Variants in PLXNA4 observed in about 807,000 individuals in gnomAD.
The protein encoded by PLXNA4 is plexin-A4.
In PLXNA4, 44 loss-of-function variants were observed where a neutral mutation model predicts 191.8. The ratio of observed to expected loss-of-function variants is 0.23; its 90% CI spans 0.18 to 0.29. The LOEUF (loss-of-function observed/expected upper bound fraction) is 0.29, where lower values mean the gene tolerates loss of function less well. Ranked by LOEUF, PLXNA4 falls within the 10% of genes least tolerant of loss-of-function variation. The probability of loss-of-function intolerance (pLI) is 1.00; values close to 1 mark genes in which losing one functional copy is unlikely to be tolerated. For missense variants in PLXNA4, 1,800 were observed against 2,488.8 expected, an observed-to-expected ratio of 0.72 and a Z score of 5.89; for synonymous variants, 1,082 against 1,009.5, an observed-to-expected ratio of 1.07 and a Z score of -1.36.
chr7:132,574,612 C>A (rs1445084333), intron 1 of PLXNA4, among the ~76,000 whole-genome samples: 1 of 152,212 alleles, frequency 6.6e-6, no homozygotes. Flanking sequence ...AAGGTTTCTT[C>A]CCCCTACTGG....
At chr7:132,187,048 C>T (rs1796901996) in intron 15 of PLXNA4, among the ~76,000 whole-genome samples, 1 of 152,182 alleles carries the variant, frequency 6.6e-6, no homozygotes, top group South Asian at 2.1e-4. Context: ...TGGTACCACC[C>T]AGACCAGTAA....
intron 3 of PLXNA4, among the ~76,000 whole-genome samples, chr7:132,423,008 T>C (rs987016004): frequency 6.6e-6 from 1 of 152,178 alleles, no homozygotes; most frequent in African/African-American, 2.4e-5. Context: ...ATGGATGGTG[T>C]GGCAGGTTCT....
In PLXNA4 at chr7:132,131,703, C is replaced by G. The variant is rs374735858; in HGVS notation, c.5590-1129G>C. 3.9e-5 allele frequency among the ~76,000 whole-genome samples: 6 copies of G among 152,358 alleles called. No homozygotes were observed. In the South Asian group the frequency reaches 1.2e-3, roughly 32 times the overall value. ...GTGTACTTGTAGACTAACAGAGAAT[C>G]CTTTCTGAGAGGAGACGGTTGGAAT... On this transcript the variant is annotated intron_variant, in intron 31 of 31. Transcript: ENST00000321063.
At chr7:132,358,504 C>T (rs746072037) in intron 3 of PLXNA4, among the ~76,000 whole-genome samples, 2 of 152,174 alleles carry the variant, frequency 1.3e-5, no homozygotes, top group Non-Finnish European at 2.9e-5. Context: ...GAGGATATGA[C>T]TGTGTTTTAT....
intron 3 of PLXNA4, among the ~76,000 whole-genome samples, chr7:132,347,437 C>T (rs759662140): frequency 9.2e-5 from 14 of 152,254 alleles, no homozygotes; most frequent in Admixed American, 6.5e-5. Flanking sequence ...GTTCAAAAGC[C>T]GGCATGTGTT....
intron 4 of PLXNA4, among the ~76,000 whole-genome samples, chr7:132,243,403 T>C (rs561176771): frequency 1.3e-5 from 2 of 152,310 alleles, no homozygotes; most frequent in East Asian, 3.9e-4. Flanking sequence ...TAATCCACCT[T>C]GGATGGAATG....
At chr7:132,357,275 G>A (rs1803747893) in intron 3 of PLXNA4, among the ~76,000 whole-genome samples, 3 of 152,324 alleles carry the variant, frequency 2.0e-5, no homozygotes, top group African/African-American at 4.8e-5. Context: ...GCTCAGCTGA[G>A]AGCGTGGAAC....
chr7:132,256,431 G>C (rs1232330839), intron 4 of PLXNA4, among the ~76,000 whole-genome samples: 1 of 152,120 alleles, frequency 6.6e-6, no homozygotes, highest in African/African-American at 2.4e-5. Context: ...GGGCTGGTTT[G>C]GGTTGTGTGC....
chr7:132,260,300 T>C (rs916438661), intron 4 of PLXNA4, among the ~76,000 whole-genome samples: 1 of 152,222 alleles, frequency 6.6e-6, no homozygotes, highest in Non-Finnish European at 1.5e-5. Context: ...ATGTGGTATA[T>C]AGATACCGTG....
intron 2 of PLXNA4, among the ~76,000 whole-genome samples, chr7:132,586,660 G>A (rs1802511126): frequency 6.6e-6 from 1 of 152,208 alleles, no homozygotes; most frequent in South Asian, 2.1e-4. Context: ...GGCTGAGGCA[G>A]GAGAATCACT....
intron 3 of PLXNA4, among the ~76,000 whole-genome samples, chr7:132,482,715 T>G (rs1797387711): frequency 7.1e-6 from 1 of 140,606 alleles, no homozygotes; most frequent in South Asian, 2.2e-4. Flanking sequence ...TTTTTTGAGA[T>G]GGAGTCTCAC....
chr7:132,386,192 G>A (rs1805130254), intron 3 of PLXNA4, among the ~76,000 whole-genome samples: 1 of 152,142 alleles, frequency 6.6e-6, no homozygotes, highest in South Asian at 2.1e-4. Context: ...GAAAAAGAAT[G>A]AGTTTGAAAG....
intron 4 of PLXNA4, among the ~76,000 whole-genome samples, chr7:132,292,077 G>A (rs1193986138): frequency 6.6e-6 from 1 of 152,192 alleles, no homozygotes; most frequent in African/African-American, 2.4e-5. Context: ...TTGCAGGCGT[G>A]AGCCCCCACA....
chr7:132,158,571 G>T (rs1372813439), intron 25 of PLXNA4, among the ~76,000 whole-genome samples: 4 of 152,216 alleles, frequency 2.6e-5, no homozygotes. Flanking sequence ...CTGCATTAAA[G>T]ACGCTTTTAC....
intron 2 of PLXNA4, among the ~76,000 whole-genome samples, chr7:132,598,147 C>T (rs988657055): frequency 6.6e-6 from 1 of 152,090 alleles, no homozygotes; most frequent in African/African-American, 2.4e-5. Context: ...CTTGCTCTGT[C>T]GCCCAGGCTG....
At chr7:132,290,621 C>A (rs910823190) in intron 4 of PLXNA4, among the ~76,000 whole-genome samples, 1 of 152,180 alleles carries the variant, frequency 6.6e-6, no homozygotes, top group Non-Finnish European at 1.5e-5. Flanking sequence ...AGGAGGCTAA[C>A]AGAGACACAC....
intron 4 of PLXNA4, among the ~76,000 whole-genome samples, chr7:132,265,296 C>A (rs1403519639): frequency 6.6e-6 from 1 of 152,216 alleles, no homozygotes; most frequent in Non-Finnish European, 1.5e-5. Context: ...TGTTTCCATA[C>A]TTTCAAAAAC....
intron 3 of PLXNA4, among the ~76,000 whole-genome samples, chr7:132,409,545 G>A (rs997917977): frequency 6.6e-6 from 1 of 152,148 alleles, no homozygotes; most frequent in Non-Finnish European, 1.5e-5. Context: ...GTTCACAGGG[G>A]AGGGGAAATG....
chr7:132,192,938 G>T lies in PLXNA4; in HGVS notation c.2856+1124C>A, dbSNP rs550738365. On this transcript the variant is annotated intron_variant, in intron 14 of 31. Transcript: ENST00000321063. Reference sequence around the variant, plus strand: ...CAGAAAGGCCATGGGATGGGGAAAGGGGTGGTAGGGTGAGAGGTGGGGGCA... The same window carrying T: ...CAGAAAGGCCATGGGATGGGGAAAGTGGTGGTAGGGTGAGAGGTGGGGGCA... Among the ~76,000 whole-genome samples, 30 of 152,214 alleles carry T rather than the reference G, an allele frequency of 2.0e-4. 1 individual carries two copies. The highest frequency in any genetic ancestry group is 1.7e-3 in the Admixed American group (26 of 15,284).
Sources: allele counts gnomAD v4.1 joint callset (sites outside exome capture counted in the v4.1 genomes callset), GRCh38; gene constraint gnomAD v4.1.1; transcripts MANE v1.5; gene names NCBI Gene and HGNC (gene_info 2026-07-23, HGNC 2026-07-21).